The following NTM variants were observed in gnomAD, a reference collection of about 807,000 sequenced individuals.
NTM encodes the protein neurotrimin.
A neutral mutation model predicts 42.1 loss-of-function variants in NTM; 13 were observed. The observed-to-expected ratio is 0.31, with a 90% CI of 0.20 to 0.49. The LOEUF (loss-of-function observed/expected upper bound fraction) is 0.49. Among genes scored for constraint, NTM ranks in the 20% least tolerant of loss-of-function variants. The probability of loss-of-function intolerance (pLI) is 0.99; values close to 1 mark genes in which losing one functional copy is unlikely to be tolerated. For missense variants in NTM, 373 were observed against 452.8 expected (o/e 0.82, Z 1.60); for synonymous variants, 187 against 179.2 (o/e 1.04, Z -0.35).
intron 1 of NTM, among the ~76,000 whole-genome samples, chr11:131,526,336 T>C (rs1343995378): frequency 6.6e-6 from 1 of 152,118 alleles, no homozygotes; most frequent in Non-Finnish European, 1.5e-5. Context: ...CAGGTGTGGG[T>C]CCACAGTGGT....
At chr11:131,688,134 G>A (rs2074149397) in intron 1 of NTM, among the ~76,000 whole-genome samples, 1 of 152,160 alleles carries the variant, frequency 6.6e-6, no homozygotes, top group Admixed American at 6.5e-5. Context: ...CAGATGCCGC[G>A]GGGGCGCGCC....
intron 2 of NTM, among the ~76,000 whole-genome samples, chr11:131,980,147 CACTA>C (rs1199652768): frequency 6.6e-6 from 1 of 152,184 alleles, no homozygotes; most frequent in Non-Finnish European, 1.5e-5. Context: ...TTCAAGGTAT[CACTA>C]ACTATTTGAA....
chr11:131,411,522 G>A (rs1007686895), intron 1 of NTM, among the ~76,000 whole-genome samples: 3 of 150,162 alleles, frequency 2.0e-5, no homozygotes, highest in Non-Finnish European at 4.4e-5. Context: ...AAGGCCTCCT[G>A]AAGTATTTAG....
At chr11:132,015,635 A>ATTTTG (rs2073266148) in intron 2 of NTM, among the ~76,000 whole-genome samples, 1 of 148,906 alleles carries the variant, frequency 6.7e-6, no homozygotes, top group Non-Finnish European at 1.5e-5. Context: ...ATTCTTAGAT[A>ATTTTG]TTTTATTTTA....
chr11:132,057,808 C>G (rs558353142), intron 2 of NTM, among the ~76,000 whole-genome samples: 1 of 152,286 alleles, frequency 6.6e-6, no homozygotes, highest in African/African-American at 2.4e-5. Context: ...TATCCTGCAG[C>G]TGGGGACTTC....
intron 1 of NTM, among the ~76,000 whole-genome samples, chr11:131,710,100 G>T (rs532189543): frequency 6.6e-6 from 1 of 152,088 alleles, no homozygotes; most frequent in Non-Finnish European, 1.5e-5. Context: ...GGTCAAAGAG[G>T]GGGTGGAGCA....
intron 1 of NTM, among the ~76,000 whole-genome samples, chr11:131,564,672 A>C (rs897814877): frequency 2.0e-5 from 3 of 152,112 alleles, no homozygotes; most frequent in Non-Finnish European, 4.4e-5. Context: ...CTTCATGTCC[A>C]TTCATTTTAC....
chr11:131,967,178 G>T (rs2062944670), intron 2 of NTM, among the ~76,000 whole-genome samples: 2 of 152,184 alleles, frequency 1.3e-5, no homozygotes, highest in South Asian at 4.1e-4. Context: ...TGGCACGGAA[G>T]AGTGATGTCT....
At chr11:132,118,633 C>T (rs572611708) in intron 2 of NTM, among the ~76,000 whole-genome samples, 4 of 152,188 alleles carry the variant, frequency 2.6e-5, no homozygotes, top group Admixed American at 1.3e-4. Context: ...TCAAGAGCCA[C>T]GGAAAGGGTA....
intron 3 of NTM, among the ~76,000 whole-genome samples, chr11:132,210,237 A>C (rs1297438043): frequency 6.6e-6 from 1 of 152,220 alleles, no homozygotes. Flanking sequence ...AGAATATAAC[A>C]TGAAGAAACA....
chr11:131,975,196 T>A (rs1054920948), intron 2 of NTM, among the ~76,000 whole-genome samples: 3 of 152,034 alleles, frequency 2.0e-5, no homozygotes, highest in Admixed American at 1.3e-4. Flanking sequence ...CCTTCTTTTT[T>A]TTTGAGACAG....
intron 1 of NTM, among the ~76,000 whole-genome samples, chr11:131,444,550 G>A (rs1008202491): frequency 6.6e-5 from 10 of 152,148 alleles, no homozygotes; most frequent in Non-Finnish European, 1.3e-4. Flanking sequence ...GTTTTGAGAA[G>A]AATGAATTGA....
chr11:131,662,682 A>AG lies in NTM; in HGVS notation c.83-248881dup, dbSNP rs145443007. Among the ~76,000 whole-genome samples, 773 of 152,254 alleles carry AG rather than the reference A, an allele frequency of 5.1e-3. 10 individuals carry two copies. The highest frequency in any genetic ancestry group is 0.017 in the African/African-American group (718 of 41,554). On this transcript the variant is annotated intron_variant, in intron 1 of 8. Coordinates refer to ENST00000683400, the MANE Select transcript of NTM (RefSeq NM_001352005.2). ...GTGTGTTTTTGAGCGTGTTCACAGA[A>AG]GAAGGGCTGCAACATAATCGCTTCT...
intron 2 of NTM, among the ~76,000 whole-genome samples, chr11:132,080,732 A>G (rs2058932453): frequency 6.6e-6 from 1 of 152,172 alleles, no homozygotes; most frequent in African/African-American, 2.4e-5. Flanking sequence ...TCTCCATGGA[A>G]TATCTTCTAT....
At position 131,820,129 on chromosome 11, in the gene NTM, C is replaced by G. The variant is rs745610272; in HGVS notation, c.83-91435C>G. Among the ~76,000 whole-genome samples, 127 of 152,334 alleles carry G rather than the reference C, an allele frequency of 8.3e-4. 1 individual carries two copies. The highest frequency in any genetic ancestry group is 2.2e-3 in the Admixed American group (33 of 15,304). On this transcript the variant is annotated intron_variant, in intron 1 of 8. Coordinates refer to ENST00000683400, the MANE Select transcript of NTM (RefSeq NM_001352005.2). The stretch of plus-strand genomic sequence containing the variant: ...AGAGAAATAATAACATAAGCGGCTG[C>G]TTGGGCGCAAAGTGGGTCCTTTCAA...
At chr11:131,660,164 T>G in intron 1 of NTM, 1 of 205,888 alleles carries the variant, frequency 4.9e-6, no homozygotes. Flanking sequence ...TATCTCAGGG[T>G]TCTCAAAGTG....
chr11:132,033,866 C>G (rs2076208375), intron 2 of NTM, among the ~76,000 whole-genome samples: 2 of 152,086 alleles, frequency 1.3e-5, no homozygotes, highest in South Asian at 4.1e-4. Flanking sequence ...ATCTCATATT[C>G]TTTATATACA....
intron 1 of NTM, among the ~76,000 whole-genome samples, chr11:131,650,480 C>A (rs2066343504): frequency 1.3e-5 from 2 of 152,176 alleles, no homozygotes; most frequent in Admixed American, 6.5e-5. Flanking sequence ...AAGTTCGGTC[C>A]AGCCTTCAGA....
In NTM at chr11:132,114,508, T is replaced by C. The variant is rs977275758; in HGVS notation, c.168-31774T>C. 5.3e-5 allele frequency among the ~76,000 whole-genome samples: 8 copies of C among 152,200 alleles called. 1 individual carries two copies. Among genetic ancestry groups the C allele is most frequent in the Admixed American group, 4.6e-4 (7 of 15,276 alleles). On this transcript the variant is annotated intron_variant, in intron 2 of 8. Transcript: ENST00000683400. ...TATCAGTCTCATAAAAACCCTGCTC[T>C]CCCCAACTTGCTGCTGCCCTTTTTC...
Sources: gnomAD v4.1 joint callset for allele counts (sites outside exome capture counted in the v4.1 genomes callset) on GRCh38, gnomAD v4.1.1 for gene constraint, MANE v1.5 for transcripts, NCBI Gene and HGNC (gene_info 2026-07-23, HGNC 2026-07-21) for gene names.